Variants in CDK3 observed in about 807,000 individuals in gnomAD.
CDK3 encodes the protein cyclin dependent kinase 3.
CDK3 carries 24 observed loss-of-function variants against 30.2 expected under a neutral mutation model. The ratio of observed to expected loss-of-function variants is 0.79; its 90% CI spans 0.57 to 1.12. The LOEUF is 1.12. CDK3 is among the 50% of genes most tolerant of loss of function. The probability of loss-of-function intolerance (pLI) is 0.00; values close to 1 mark genes in which losing one functional copy is unlikely to be tolerated. For missense variants in CDK3, 345 were observed against 376.0 expected (o/e 0.92, Z 0.68); for synonymous variants, 158 against 154.2 (o/e 1.02, Z -0.18).
Position 76,002,817 on chromosome 17 carries a change from A to G in CDK3, c.588+205A>G. On this transcript the variant is annotated intron_variant, in intron 6 of 7. Transcript: ENST00000448471. The surrounding 1 kb of genome is among the most constrained non-coding windows in gnomAD (Gnocchi z 4.3). ...AGTTTGAGACCAGCCTGGGCAACGT[A>G]ACAAATCCCCAGCTCTTAAAAAACT... The G allele has an allele frequency of 1.8e-6, 1 of 569,648 alleles. No individual in the cohort carries two copies. The highest frequency in any genetic ancestry group is 1.9e-5 in the African/African-American group (1 of 53,308). The allele number at this position is 569,648 out of a possible 1,614,324, so 35.3% of individuals were successfully genotyped here.
chr17:76,005,193 G>A lies in CDK3; in HGVS notation c.793-105G>A. Reference sequence around the variant, plus strand: ...GCTTCATGCGGTTCTGGGTTTGAGGGCAGCCAATTTGGGGCCCAGGCCCTT... The same window carrying A: ...GCTTCATGCGGTTCTGGGTTTGAGGACAGCCAATTTGGGGCCCAGGCCCTT... On this transcript the variant is annotated intron_variant, in intron 7 of 7. Coordinates refer to ENST00000448471, the MANE Select transcript of CDK3 (RefSeq NM_001258.4). The surrounding 1 kb of genome is among the most constrained non-coding windows in gnomAD (Gnocchi z 4.7). The A allele has an allele frequency of 3.5e-6, 5 of 1,426,214 alleles. No homozygotes were observed. The highest frequency in any genetic ancestry group is 4.7e-6 in the Non-Finnish European group (5 of 1,060,014). The allele number at this position is 1,426,214 out of a possible 1,614,324, so 88.3% of individuals were successfully genotyped here.
At chr17:76,004,270 G>A (rs978044511) in intron 7 of CDK3, among the ~76,000 whole-genome samples, 25 of 127,108 alleles carry the variant, frequency 2.0e-4, no homozygotes, top group Admixed American at 2.0e-3. Flanking sequence ...TCAGGCTGGC[G>A]TGCAGTGGTG....
Position 76,005,114 on chromosome 17 carries a change from G to A in CDK3, c.793-184G>A, listed in dbSNP as rs2066301553. 6.6e-6 allele frequency among the ~76,000 whole-genome samples: 1 copy of A among 152,148 alleles called. No individual in the cohort carries two copies. Among genetic ancestry groups the A allele is most frequent in the Non-Finnish European group, 1.5e-5 (1 of 68,018 alleles). On this transcript the variant is annotated intron_variant, in intron 7 of 7. Coordinates refer to ENST00000448471, the MANE Select transcript of CDK3 (RefSeq NM_001258.4). This position sits in a 1 kb window ranked among gnomAD's most constrained non-coding sequence, Gnocchi z 4.7. ...TGAGGAGACCTGGGTGACTCGTTAG[G>A]ACTGTCCAGATTCCAGGAGTGTCCG...
Position 76,005,492 on chromosome 17 carries a change from A to C in CDK3, c.*69A>C. 1.3e-6 allele frequency: 2 copies of C among 1,551,230 alleles called. No homozygotes were observed. The highest frequency in any genetic ancestry group is 1.8e-6 in the Non-Finnish European group (2 of 1,139,134). ...CCCCAGCTGCCTCCTACCCATTGCC[A>C]AGAGAGGATGCATCTGGGGAGAGCA... On this transcript the variant is annotated 3_prime_UTR_variant, in exon 8 of 8. Transcript: ENST00000448471. The surrounding 1 kb of genome is among the most constrained non-coding windows in gnomAD (Gnocchi z 4.7).
chr17:76,001,772 C>T lies in CDK3; in HGVS notation c.117-102C>T. 8.7e-7 allele frequency: 1 copy of T among 1,155,846 alleles called. No homozygotes were observed. The highest frequency in any genetic ancestry group is 1.2e-6 in the Non-Finnish European group (1 of 816,966). 71.6% of individuals were successfully genotyped at this position (1,155,846 alleles called of 1,614,324 possible). A position where few individuals can be genotyped will look rare whatever the true frequency, so the allele number is the denominator to read the frequency against. Reference sequence around the variant, plus strand: ...GGAGCACAGGTCTCCATTGCCGGGGCCCTGGTCATTCTGTGGGGTTAAGGA... The same window carrying T: ...GGAGCACAGGTCTCCATTGCCGGGGTCCTGGTCATTCTGTGGGGTTAAGGA... On this transcript the variant is annotated intron_variant, in intron 2 of 7. Transcript: ENST00000448471. The surrounding 1 kb of genome is among the most constrained non-coding windows in gnomAD (Gnocchi z 6.2).
Position 76,005,352 on chromosome 17 carries a change from CA to C in CDK3, c.848del (p.His283ProfsTer58). On this transcript the variant is annotated frameshift_variant, in exon 8 of 8. Coordinates refer to ENST00000448471, the MANE Select transcript of CDK3 (RefSeq NM_001258.4). LOFTEE classifies it low-confidence loss of function (END_TRUNC). The surrounding 1 kb of genome is among the most constrained non-coding windows in gnomAD (Gnocchi z 4.7). Reference sequence around the variant, plus strand: ...GATCACAGCCAAGACTGCCCTGGCCCACCCGTACTTCTCATCCCCTGAGCCC... The same window carrying C: ...GATCACAGCCAAGACTGCCCTGGCCCCCCGTACTTCTCATCCCCTGAGCCC... ...QRITAKTALA[H>X]PYFSSPEPSP... 6.2e-7 allele frequency: 1 copy of C among 1,614,180 alleles called. No individual in the cohort carries two copies. Among genetic ancestry groups the C allele is most frequent in the Non-Finnish European group, 8.5e-7 (1 of 1,180,020 alleles).
In CDK3 at chr17:76,001,649, C is replaced by T; in HGVS notation, c.116+108C>T. ...AGTCCACGTTTAACTCCTCTGGGTG[C>T]TGCCCAGCAGCCCTTACCTGTCCTC... is the stretch of plus-strand genomic sequence containing the variant. On this transcript the variant is annotated intron_variant, in intron 2 of 7. Transcript: ENST00000448471. The surrounding 1 kb of genome is among the most constrained non-coding windows in gnomAD (Gnocchi z 6.2). The T allele has an allele frequency of 9.9e-7, 1 of 1,010,200 alleles. No individual in the cohort carries two copies. The highest frequency in any genetic ancestry group is 1.5e-5 in the South Asian group (1 of 65,546). The allele number at this position is 1,010,200 out of a possible 1,614,324, so 62.6% of individuals were successfully genotyped here. A position where few individuals can be genotyped will look rare whatever the true frequency, so the allele number is the denominator to read the frequency against.
chr17:76,003,098 C>A, intron 6 of CDK3, 97 bp from the exon 7 acceptor site: 1 of 950,738 alleles, frequency 1.1e-6, no homozygotes, highest in Non-Finnish European at 1.6e-6. Flanking sequence ...GAAAAGATAT[C>A]TTGACAGGCC....
Position 76,001,648 on chromosome 17 carries a change from G to A in CDK3, c.116+107G>A. On this transcript the variant is annotated intron_variant, in intron 2 of 7. Transcript: ENST00000448471. This position sits in a 1 kb window ranked among gnomAD's most constrained non-coding sequence, Gnocchi z 6.2. ...GAGTCCACGTTTAACTCCTCTGGGT[G>A]CTGCCCAGCAGCCCTTACCTGTCCT... The A allele has an allele frequency of 9.8e-7, 1 of 1,016,130 alleles. No individual in the cohort carries two copies. The highest frequency in any genetic ancestry group is 2.5e-5 in the East Asian group (1 of 40,256). 62.9% of individuals were successfully genotyped at this position (1,016,130 alleles called of 1,614,324 possible).
Position 76,002,487 on chromosome 17 carries a change from T to TGA in CDK3, c.487-23_487-22dup. 1 of 1,558,938 alleles carries TGA rather than the reference T, an allele frequency of 6.4e-7. No individual in the cohort carries two copies. The highest frequency in any genetic ancestry group is 8.8e-7 in the Non-Finnish European group (1 of 1,130,262). On this transcript the variant is annotated intron_variant, in intron 5 of 7. Coordinates refer to ENST00000448471, the MANE Select transcript of CDK3 (RefSeq NM_001258.4). This position sits in a 1 kb window ranked among gnomAD's most constrained non-coding sequence, Gnocchi z 4.3. ...CACCCATGCACTCAGCCACCCTGAGTGATACTGTTTCTTTGCCCTGCAGGT... is the reference window on the plus strand; with the variant it reads ...CACCCATGCACTCAGCCACCCTGAGTGAGATACTGTTTCTTTGCCCTGCAGGT...
Position 76,001,001 on chromosome 17 carries a change from G to A in CDK3, c.-15+34G>A. The A allele has an allele frequency of 1.8e-6, 2 of 1,107,554 alleles. No individual in the cohort carries two copies. The highest frequency in any genetic ancestry group is 2.2e-6 in the Non-Finnish European group (2 of 900,738). The allele number at this position is 1,107,554 out of a possible 1,614,324, so 68.6% of individuals were successfully genotyped here. On this transcript the variant is annotated intron_variant, in intron 1 of 7. Coordinates refer to ENST00000448471, the MANE Select transcript of CDK3 (RefSeq NM_001258.4). This position sits in a 1 kb window ranked among gnomAD's most constrained non-coding sequence, Gnocchi z 6.2. Reference sequence around the variant, plus strand: ...GGGTGGTCTTGCCCTCTAAGGCCCGGCACAAGTGAGAGGCCTGGGGGTCCA... The same window carrying A: ...GGGTGGTCTTGCCCTCTAAGGCCCGACACAAGTGAGAGGCCTGGGGGTCCA...
chr17:76,001,333 G>A lies in CDK3; in HGVS notation c.-14-79G>A. 1.9e-6 allele frequency: 3 copies of A among 1,585,276 alleles called. No individual in the cohort carries two copies. The South Asian group carries it at 3.4e-5, about 18-fold the overall frequency. ...AGTCTGGGCTGGGCTGGGCTGGGCA[G>A]GGCGCCACATGGAAGCTGGAGGAGC... is the stretch of plus-strand genomic sequence containing the variant. On this transcript the variant is annotated intron_variant, in intron 1 of 7. Coordinates refer to ENST00000448471, the MANE Select transcript of CDK3 (RefSeq NM_001258.4). The surrounding 1 kb of genome is among the most constrained non-coding windows in gnomAD (Gnocchi z 6.2).
Position 76,002,469 on chromosome 17 carries a change from G to A in CDK3, c.487-42G>A, listed in dbSNP as rs773685805. The A allele has an allele frequency of 1.4e-5, 23 of 1,592,660 alleles. No homozygotes were observed. The highest frequency in any genetic ancestry group is 1.9e-5 in the Non-Finnish European group (22 of 1,161,332). On this transcript the variant is annotated intron_variant, in intron 5 of 7. Coordinates refer to ENST00000448471, the MANE Select transcript of CDK3 (RefSeq NM_001258.4). The surrounding 1 kb of genome is among the most constrained non-coding windows in gnomAD (Gnocchi z 4.3). ...GGGCAGCAGGAGGAGTGTCACCCAT[G>A]CACTCAGCCACCCTGAGTGATACTG...
In CDK3 at chr17:76,001,772, C is replaced by A. The variant is rs2066262115; in HGVS notation, c.117-102C>A. 8.7e-7 allele frequency: 1 copy of A among 1,155,842 alleles called. No homozygotes were observed. Among genetic ancestry groups the A allele is most frequent in the Non-Finnish European group, 1.2e-6 (1 of 816,964 alleles). The allele number at this position is 1,155,842 out of a possible 1,614,324, so 71.6% of individuals were successfully genotyped here. The stretch of plus-strand genomic sequence containing the variant: ...GGAGCACAGGTCTCCATTGCCGGGG[C>A]CCTGGTCATTCTGTGGGGTTAAGGA... On this transcript the variant is annotated intron_variant, in intron 2 of 7. Transcript: ENST00000448471. The surrounding 1 kb of genome is among the most constrained non-coding windows in gnomAD (Gnocchi z 6.2).
In CDK3 at chr17:76,002,620, G is replaced by A; in HGVS notation, c.588+8G>A. The A allele has an allele frequency of 2.5e-6, 2 of 812,354 alleles. No homozygotes were observed. The highest frequency in any genetic ancestry group is 4.5e-6 in the Non-Finnish European group (2 of 446,996). 50.3% of individuals were successfully genotyped at this position (812,354 alleles called of 1,614,324 possible). The stretch of plus-strand genomic sequence containing the variant: ...TGCATCTTTGCAGAGATGGTAGAGA[G>A]AGGGGCACACATGGCCACAGGGTGC... On this transcript the variant is annotated splice_region_variant and intron_variant, in intron 6 of 7. Coordinates refer to ENST00000448471, the MANE Select transcript of CDK3 (RefSeq NM_001258.4). The surrounding 1 kb of genome is among the most constrained non-coding windows in gnomAD (Gnocchi z 4.3).
In CDK3 at chr17:76,002,028, G is replaced by A; in HGVS notation, c.201G>A (p.Leu67=). 6.2e-7 allele frequency: 1 copy of A among 1,614,076 alleles called. No individual in the cohort carries two copies. Among genetic ancestry groups the A allele is most frequent in the South Asian group, 1.1e-5 (1 of 91,074 alleles). Residue 67 remains leucine (L), a synonymous_variant, in exon 4 of 8, where the codon CTG becomes CTA. Transcript: ENST00000448471. This position sits in a 1 kb window ranked among gnomAD's most constrained non-coding sequence, Gnocchi z 4.3. The stretch of plus-strand genomic sequence containing the variant: ...ACTGCCATCTCCCTGTCAGACTGCT[G>A]GACGTGGTGCACAACGAGAGGAAGC... ...ELKHPNIVRL[L]DVVHNERKLY...
At position 76,005,122 on chromosome 17, in the gene CDK3, A is replaced by G. The variant is rs2066301716; in HGVS notation, c.793-176A>G. Among the ~76,000 whole-genome samples, 1 of 152,134 alleles carries G rather than the reference A, an allele frequency of 6.6e-6. No individual in the cohort carries two copies. The highest frequency in any genetic ancestry group is 1.5e-5 in the Non-Finnish European group (1 of 68,024). ...CCTGGGTGACTCGTTAGGACTGTCC[A>G]GATTCCAGGAGTGTCCGGAACTGGC... On this transcript the variant is annotated intron_variant, in intron 7 of 7. Coordinates refer to ENST00000448471, the MANE Select transcript of CDK3 (RefSeq NM_001258.4). The surrounding 1 kb of genome is among the most constrained non-coding windows in gnomAD (Gnocchi z 4.7).
chr17:76,001,425 C>A lies in CDK3; in HGVS notation c.-1C>A. ...TCTGTTTCCCAGGCAGCTCTGTGGCCATGGATATGTTCCAGAAGGTAGAGA... is the reference window on the plus strand; with the variant it reads ...TCTGTTTCCCAGGCAGCTCTGTGGCAATGGATATGTTCCAGAAGGTAGAGA... On this transcript the variant is annotated 5_prime_UTR_variant, in exon 2 of 8. Transcript: ENST00000448471. This position sits in a 1 kb window ranked among gnomAD's most constrained non-coding sequence, Gnocchi z 6.2. 2.5e-6 allele frequency: 4 copies of A among 1,614,008 alleles called. No individual in the cohort carries two copies. Among genetic ancestry groups the A allele is most frequent in the Non-Finnish European group, 3.4e-6 (4 of 1,179,952 alleles).
chr17:76,003,339 A>G lies in CDK3; in HGVS notation c.733A>G (p.Arg245Gly). ...TAAGGGCAGCTTCCCTAAGTGGACC[A>G]GGAAGGGACTGGAAGAGATTGTGCC... ...DYKGSFPKWT[R>G]KGLEEIVPNL... The change falls in exon 7 of 8, where the codon AGG (arginine) becomes GGG (glycine). Residue 245 changes from arginine to glycine, a missense_variant. By Grantham distance (125) the Arg-to-Gly change is moderately radical. Transcript: ENST00000448471. 6.2e-7 allele frequency: 1 copy of G among 1,614,182 alleles called. No homozygotes were observed. Among genetic ancestry groups the G allele is most frequent in the Non-Finnish European group, 8.5e-7 (1 of 1,180,032 alleles).
Sources: allele counts gnomAD v4.1 joint callset (sites outside exome capture counted in the v4.1 genomes callset), GRCh38; gene constraint gnomAD v4.1.1; non-coding constraint Gnocchi (gnomAD v3.1); transcripts MANE v1.5; gene names NCBI Gene and HGNC (gene_info 2026-07-23, HGNC 2026-07-21).